DNAH3: variants seen among roughly 807,000 people sequenced by gnomAD.
DNAH3 encodes dynein axonemal heavy chain 3.
In DNAH3, 332 loss-of-function variants were observed where a neutral mutation model predicts 432.5. The ratio of observed to expected loss-of-function variants is 0.77; its 90% CI spans 0.70 to 0.84. The LOEUF (loss-of-function observed/expected upper bound fraction) is 0.84. DNAH3 is among the 40% of genes least tolerant of loss of function. The pLI, the probability that DNAH3 is intolerant of heterozygous loss-of-function variation, is 0.00. For missense variants in DNAH3, 4,861 were observed against 5,114.0 expected, an observed-to-expected ratio of 0.95 and a Z score of 1.51; for synonymous variants, 1,956 against 1,900.2, an observed-to-expected ratio of 1.03 and a Z score of -0.76.
At chr16:20,986,781 C>T (rs1486712181) in intron 47 of DNAH3, among the ~76,000 whole-genome samples, 2 of 151,990 alleles carry the variant, frequency 1.3e-5, no homozygotes, top group African/African-American at 4.8e-5. Context: ...GGCCTCTGAA[C>T]GCAAGATAAA....
At chr16:20,984,670 G>A (rs957945621) in intron 48 of DNAH3, among the ~76,000 whole-genome samples, 2 of 152,094 alleles carry the variant, frequency 1.3e-5, no homozygotes, top group African/African-American at 4.8e-5. Flanking sequence ...AGGAGTATGA[G>A]ACTAGCCTGG....
chr16:21,111,630 T>C lies in DNAH3; in HGVS notation c.2095A>G (p.Thr699Ala), dbSNP rs1347717141. The stretch of plus-strand genomic sequence containing the variant: ...GTCTGCACAGAATTACAATACCTGG[T>C]ATTGGTGTCTCGGTTTACATCCACT... The change falls in exon 14 of 62, where the codon ACC becomes GCC. Residue 699 changes from threonine (T) to alanine (A), a missense_variant. Thr to Ala is a moderately conservative substitution (Grantham distance 58). Coordinates refer to ENST00000261383, the Ensembl canonical transcript of DNAH3. 2 of 1,611,208 alleles carry C rather than the reference T, an allele frequency of 1.2e-6. No individual in the cohort carries two copies. Among genetic ancestry groups the C allele is most frequent in the Non-Finnish European group, 1.7e-6 (2 of 1,177,584 alleles).
At chr16:20,982,531 A>G (rs928231206) in intron 49 of DNAH3, among the ~76,000 whole-genome samples, 190 bp downstream of exon 49, 2 of 152,206 alleles carry the variant, frequency 1.3e-5, no homozygotes, top group Non-Finnish European at 2.9e-5. Context: ...ACAATTCTGA[A>G]CAATGAAATT....
chr16:20,996,390 T>C (rs2086762599), intron 44 of DNAH3, among the ~76,000 whole-genome samples: 1 of 152,208 alleles, frequency 6.6e-6, no homozygotes, highest in Non-Finnish European at 1.5e-5. Flanking sequence ...AGTTAAGGTT[T>C]ATTAATGCCT....
At chr16:21,026,978 G>A (rs1201283016) in intron 38 of DNAH3, 49 bp downstream of exon 38, 2 of 1,315,978 alleles carry the variant, frequency 1.5e-6, no homozygotes, top group Non-Finnish European at 2.2e-6. Flanking sequence ...TTTGCTTAGG[G>A]TGAGTGGAGC....
At chr16:21,108,901 C>A (rs1030439583) in intron 14 of DNAH3, among the ~76,000 whole-genome samples, 1 of 152,042 alleles carries the variant, frequency 6.6e-6, no homozygotes, top group East Asian at 1.9e-4. Flanking sequence ...GCAGGCAGAT[C>A]ACCTGAGATC....
chr16:21,016,433 A>AT (rs1168931862), intron 41 of DNAH3, among the ~76,000 whole-genome samples: 2 of 152,140 alleles, frequency 1.3e-5, no homozygotes, highest in African/African-American at 4.8e-5. Context: ...TTTATTGTAT[A>AT]TTTTTTTCTT....
At chr16:21,102,222 G>A (rs1221573137) in intron 16 of DNAH3, among the ~76,000 whole-genome samples, 3 of 152,140 alleles carry the variant, frequency 2.0e-5, no homozygotes, top group African/African-American at 7.2e-5. Context: ...ACCAGCGGAT[G>A]AGATCAAGCT....
chr16:21,102,544 A>T (rs964866216), intron 16 of DNAH3, among the ~76,000 whole-genome samples: 10 of 152,260 alleles, frequency 6.6e-5, no homozygotes, highest in Admixed American at 6.5e-4. Context: ...CTTCAGCACC[A>T]TGAGAGAGGG....
In DNAH3 at chr16:21,051,683, C is replaced by T. The variant is rs764435816; in HGVS notation, c.4225G>A (p.Asp1409Asn). Residue 1409 changes from aspartate (D) to asparagine (N), a missense_variant, in exon 29 of 62, where the codon GAC becomes AAC. Asp to Asn is a conservative substitution (Grantham distance 23, BLOSUM62 1). Coordinates refer to ENST00000261383, the Ensembl canonical transcript of DNAH3. Reference sequence around the variant, plus strand: ...TCCAGAGTGTACCTGTAGCAGCGGTCGGTGAGGGGTGTGATCACCAGCCGG... The same window carrying T: ...TCCAGAGTGTACCTGTAGCAGCGGTTGGTGAGGGGTGTGATCACCAGCCGG... 41 of 1,612,938 alleles carry T rather than the reference C, an allele frequency of 2.5e-5. No individual in the cohort carries two copies. The highest frequency in any genetic ancestry group is 1.3e-4 in the East Asian group (6 of 44,888).
At chr16:21,022,710 TA>T (rs1308456098) in intron 39 of DNAH3, among the ~76,000 whole-genome samples, 2 of 152,064 alleles carry the variant, frequency 1.3e-5, no homozygotes, top group Non-Finnish European at 2.9e-5. Flanking sequence ...ACCTTTGTTA[TA>T]TTTTTTTTAA....
intron 1 of DNAH3, among the ~76,000 whole-genome samples, chr16:21,151,796 T>G (rs2092855714): frequency 6.6e-6 from 1 of 152,194 alleles, no homozygotes; most frequent in Non-Finnish European, 1.5e-5. Flanking sequence ...TAAAAGCACA[T>G]GTTCCATGGT....
In DNAH3 at chr16:20,982,853, C is replaced by T. The variant is rs544149586; in HGVS notation, c.7727G>A (p.Arg2576His). Reference sequence around the variant, plus strand: ...GATCAGCGAAGGGAACATCCGCAGGCGGTTCCTGAAGGCATCCCCTATTGG... The same window carrying T: ...GATCAGCGAAGGGAACATCCGCAGGTGGTTCCTGAAGGCATCCCCTATTGG... Residue 2576 changes from arginine (R) to histidine (H), a missense_variant, in exon 49 of 62, where the codon CGC becomes CAC. Transcript: ENST00000261383. 1.5e-5 allele frequency: 24 copies of T among 1,614,088 alleles called. No homozygotes were observed. The South Asian group carries it at 2.1e-4, about 14-fold the overall frequency.
chr16:21,116,729 T>C (rs1405845425), intron 12 of DNAH3, among the ~76,000 whole-genome samples: 1 of 152,224 alleles, frequency 6.6e-6, no homozygotes, highest in Non-Finnish European at 1.5e-5. Context: ...CAAAAAGTTC[T>C]GAAAACAGAC....
chr16:21,085,053 C>T (rs966960734), intron 19 of DNAH3, among the ~76,000 whole-genome samples: 29 of 151,690 alleles, frequency 1.9e-4, no homozygotes, highest in Non-Finnish European at 2.9e-4. Context: ...GCAACTCCTC[C>T]TCTGCGGATC....
At chr16:20,986,735 C>T (rs1351056239) in intron 47 of DNAH3, among the ~76,000 whole-genome samples, 2 of 152,114 alleles carry the variant, frequency 1.3e-5, no homozygotes, top group African/African-American at 2.4e-5. Flanking sequence ...GATGCCTCCT[C>T]GTCCTATGTT....
chr16:21,040,457 C>T (rs1206432747), intron 32 of DNAH3, among the ~76,000 whole-genome samples: 2 of 148,708 alleles, frequency 1.3e-5, no homozygotes, highest in African/African-American at 2.5e-5. Flanking sequence ...CTCCGCCTCC[C>T]AGGTTCAAGC....
At chr16:21,118,010 G>A (rs1200397037) in intron 11 of DNAH3, among the ~76,000 whole-genome samples, 4 of 151,726 alleles carry the variant, frequency 2.6e-5, no homozygotes, top group African/African-American at 9.7e-5. Flanking sequence ...GTTTTTTTGA[G>A]ACAGTCTCAC....
chr16:20,959,351 T>C, exon 54 of DNAH3: 1 of 1,614,196 alleles, frequency 6.2e-7, no homozygotes, highest in Non-Finnish European at 8.5e-7. Flanking sequence ...CCAAGGGAGA[T>C]GGTCTGTGTT....
Sources: gnomAD v4.1 joint callset for allele counts (sites outside exome capture counted in the v4.1 genomes callset) on GRCh38, gnomAD v4.1.1 for gene constraint, MANE v1.5 for transcripts, NCBI Gene and HGNC (gene_info 2026-07-23, HGNC 2026-07-21) for gene names.